DMD: variants seen among roughly 807,000 people sequenced by gnomAD.
DMD encodes dystrophin, also known as mutant dystrophin.
Under a neutral mutation model 330.1 loss-of-function variants are expected in DMD, and 63 were observed. The observed-to-expected ratio is 0.19, with a 90% CI of 0.16 to 0.24. DMD has a LOEUF of 0.24. Ranked by LOEUF, DMD falls within the 10% of genes least tolerant of loss-of-function variation. The probability of loss-of-function intolerance (pLI) is 1.00; values close to 1 mark genes in which losing one functional copy is unlikely to be tolerated. For missense variants in DMD, 3,344 were observed against 2,684.1 expected (o/e 1.25, Z -5.43); for synonymous variants, 1,223 against 959.8 (o/e 1.27, Z -5.07).
rs777224221 is a variant in DMD at position 32,925,145 on chromosome X, GTTTTTT to G, written c.94-75331_94-75326del. The stretch of plus-strand genomic sequence containing the variant: ...TAAGTAGGTTTTTCAAAAACTCTGG[GTTTTTT>G]TTTTTTTTTTTTTTTTTTTTTTTAG... On this transcript the variant is annotated intron_variant, in intron 2 of 78. Transcript: ENST00000357033. Among the ~76,000 whole-genome samples the G allele has an allele frequency of 2.6e-3, 127 of 48,530 alleles. 4 individuals are homozygous for G. The East Asian group carries it at 0.035, about 13-fold the overall frequency. 42.1% of individuals were successfully genotyped at this position (48,530 alleles called of 115,157 possible). A position where few individuals can be genotyped will look rare whatever the true frequency, so the allele number is the denominator to read the frequency against.
chrX:32,407,575 G>A (rs1036704532), intron 30 of DMD, among the ~76,000 whole-genome samples: 1 of 110,803 alleles, frequency 9.0e-6, no homozygotes, highest in Non-Finnish European at 1.9e-5. Flanking sequence ...CGATTCCTCA[G>A]GGATCTAGAA....
intron 2 of DMD, among the ~76,000 whole-genome samples, chrX:32,882,842 T>C (rs184718736): frequency 6.2e-5 from 7 of 112,361 alleles, no homozygotes; most frequent in African/African-American, 1.9e-4. Flanking sequence ...ATGGATTAGA[T>C]TTTAAATACT....
intron 7 of DMD, among the ~76,000 whole-genome samples, chrX:32,702,672 A>G (rs2064241891): frequency 1.8e-5 from 2 of 111,507 alleles, no homozygotes; most frequent in African/African-American, 6.5e-5. Context: ...CTTGAGAGAA[A>G]TAGGAGGCTA....
intron 1 of DMD, among the ~76,000 whole-genome samples, chrX:33,245,994 C>T (rs2052657581): frequency 8.9e-6 from 1 of 111,752 alleles, no homozygotes; most frequent in Non-Finnish European, 1.9e-5. Flanking sequence ...TGACATGTTA[C>T]ATTAATACTC....
chrX:32,756,635 G>A (rs1421979158), intron 7 of DMD, among the ~76,000 whole-genome samples: 1 of 111,433 alleles, frequency 9.0e-6, no homozygotes, highest in Admixed American at 9.6e-5. Context: ...TAAAACCACA[G>A]ATCTACACAT....
intron 11 of DMD, among the ~76,000 whole-genome samples, chrX:32,631,462 C>A (rs1333684720): frequency 1.8e-5 from 2 of 111,734 alleles, no homozygotes; most frequent in Admixed American, 1.9e-4. Context: ...TATATGTAAG[C>A]CAGGGCCTGG....
At chrX:31,425,695 T>TACACATACACACACACACACACACACAC (rs2063667022) in intron 60 of DMD, among the ~76,000 whole-genome samples, 1 of 103,591 alleles carries the variant, frequency 9.7e-6, no homozygotes, top group East Asian at 3.2e-4. Flanking sequence ...CAGGCATGAG[T>TACACATACACACACACACACACACACAC]ACACACACAC....
intron 43 of DMD, among the ~76,000 whole-genome samples, chrX:32,263,356 CTG>C (rs1231702962): frequency 1.8e-5 from 2 of 111,777 alleles, no homozygotes; most frequent in African/African-American, 3.2e-5. Context: ...GGAAGAATAA[CTG>C]TTATTAAATT....
chrX:32,823,924 G>A (rs1354016108), intron 4 of DMD, among the ~76,000 whole-genome samples: 1 of 111,521 alleles, frequency 9.0e-6, no homozygotes, highest in African/African-American at 3.3e-5. Context: ...AAATCTCTGT[G>A]TCTCCTGTCC....
chrX:32,206,694 C>G, intron 44 of DMD: 1 of 489,575 alleles, frequency 2.0e-6, no homozygotes, highest in Non-Finnish European at 3.7e-6. Context: ...AGATGACTGA[C>G]CAGAGGCTAT....
At chrX:31,353,191 T>C (rs749351659) in intron 60 of DMD, among the ~76,000 whole-genome samples, 2 of 110,470 alleles carry the variant, frequency 1.8e-5, no homozygotes, top group Non-Finnish European at 3.8e-5. Flanking sequence ...TGCAGAACAG[T>C]GGTGTTGAGG....
At chrX:31,328,582 A>G (rs1466465699) in intron 61 of DMD, among the ~76,000 whole-genome samples, 1 of 111,133 alleles carries the variant, frequency 9.0e-6, no homozygotes, top group Non-Finnish European at 1.9e-5. Context: ...AAATGTCCAG[A>G]GTACAGATTC....
intron 2 of DMD, among the ~76,000 whole-genome samples, chrX:32,968,751 C>A (rs1414593780): frequency 9.2e-6 from 1 of 108,979 alleles, no homozygotes; most frequent in East Asian, 2.9e-4. Context: ...ACCTACAGGC[C>A]AGGCGCGGTG....
At chrX:33,331,283 A>G (rs1441302117) in intron 1 of DMD, among the ~76,000 whole-genome samples, 1 of 111,784 alleles carries the variant, frequency 8.9e-6, no homozygotes, top group Non-Finnish European at 1.9e-5. Context: ...TGTCCATCAC[A>G]TGCAGGCTTT....
intron 4 of DMD, among the ~76,000 whole-genome samples, chrX:32,840,070 T>C (rs2080024766): frequency 8.9e-6 from 1 of 112,205 alleles, no homozygotes; most frequent in Non-Finnish European, 1.9e-5. Context: ...AAAGGTTCCT[T>C]TGTTCCAAGT....
intron 2 of DMD, among the ~76,000 whole-genome samples, chrX:32,977,316 G>T (rs73188361): frequency 9.1e-6 from 1 of 110,344 alleles, no homozygotes; most frequent in African/African-American, 3.3e-5. Context: ...AAGAAAAAAA[G>T]AAATAATGTA....
At chrX:32,425,141 G>A (rs761752929) in intron 29 of DMD, among the ~76,000 whole-genome samples, 2 of 111,400 alleles carry the variant, frequency 1.8e-5, no homozygotes, top group South Asian at 3.7e-4. Context: ...GATTTTAAAC[G>A]AATCTTTAAA....
intron 61 of DMD, among the ~76,000 whole-genome samples, chrX:31,340,755 C>G (rs759153812): frequency 8.9e-6 from 1 of 112,157 alleles, no homozygotes; most frequent in Admixed American, 9.4e-5. Flanking sequence ...TGTGTATTAT[C>G]AATGTCAAGA....
chrX:31,643,994 T>C (rs1422552347), intron 54 of DMD, among the ~76,000 whole-genome samples: 1 of 111,987 alleles, frequency 8.9e-6, no homozygotes, highest in African/African-American at 3.2e-5. Flanking sequence ...CATAGATACT[T>C]TCATTATATA....
Sources: allele counts gnomAD v4.1 joint callset (sites outside exome capture counted in the v4.1 genomes callset), GRCh38; gene constraint gnomAD v4.1.1; transcripts MANE v1.5; gene names NCBI Gene and HGNC (gene_info 2026-07-23, HGNC 2026-07-21).